Variants in NIPBL observed in about 807,000 individuals in gnomAD.
NIPBL encodes the protein nipped-B-like protein.
A neutral mutation model predicts 321.8 loss-of-function variants in NIPBL; 19 were observed. That is an observed-to-expected ratio of 0.06 (90% CI 0.04 to 0.09). NIPBL has a LOEUF of 0.09. Among genes scored for constraint, NIPBL ranks in the 10% least tolerant of loss-of-function variants. NIPBL has a pLI of 1.00. For missense variants in NIPBL, 2,210 were observed against 3,327.0 expected (o/e 0.66, Z 8.26); for synonymous variants, 1,106 against 1,114.1 (o/e 0.99, Z 0.14).
In NIPBL at chr5:37,000,686, A is replaced by G. The variant is rs1746688412; in HGVS notation, c.3502+116A>G. ...TAATAACTAATTTTCAATTAAGACA[A>G]AAATACTTAGTTTCTATGTGCAGTG... is the stretch of plus-strand genomic sequence containing the variant. On this transcript the variant is annotated intron_variant, in intron 12 of 46. Transcript: ENST00000282516. The G allele has an allele frequency of 3.0e-6, 4 of 1,317,244 alleles. No homozygotes were observed. The East Asian group carries it at 7.5e-5, about 25-fold the overall frequency. 81.6% of individuals were successfully genotyped at this position (1,317,244 alleles called of 1,614,324 possible).
chr5:37,009,254 CA>C (rs1561150556), intron 20 of NIPBL, among the ~76,000 whole-genome samples: 1 of 151,280 alleles, frequency 6.6e-6, no homozygotes, highest in African/African-American at 2.4e-5. Context: ...AAATAAAAAA[CA>C]GAAAGATTAA....
intron 33 of NIPBL, among the ~76,000 whole-genome samples, chr5:37,036,927 A>G (rs563342752): frequency 9.9e-5 from 15 of 152,118 alleles, no homozygotes; most frequent in Admixed American, 3.9e-4. Context: ...AATATTTATT[A>G]TTTATAATTG....
At chr5:36,987,034 A>T (rs1403363610) in intron 10 of NIPBL, among the ~76,000 whole-genome samples, 1 of 152,144 alleles carries the variant, frequency 6.6e-6, no homozygotes, top group African/African-American at 2.4e-5. Context: ...GTACACAAGT[A>T]TTTAAAATAA....
At position 37,056,678 on chromosome 5, in the gene NIPBL, T is replaced by C. The variant is rs543780055; in HGVS notation, c.7264-508T>C. 6.6e-5 allele frequency among the ~76,000 whole-genome samples: 10 copies of C among 152,232 alleles called. No individual in the cohort carries two copies. In the East Asian group the frequency reaches 1.9e-3, roughly 29 times the overall value. ...TATTAGTACTATAATTACTAGTTAT[T>C]TTGAGGGCAGAATAGTAACTGTGTG... On this transcript the variant is annotated intron_variant, in intron 42 of 46. Transcript: ENST00000282516.
chr5:37,049,322 C>A (rs764202456), intron 40 of NIPBL, 21 bp downstream of exon 40: 2 of 1,611,326 alleles, frequency 1.2e-6, no homozygotes, highest in South Asian at 2.2e-5. Context: ...TTTATGGCAG[C>A]AGCACTTACT....
intron 1 of NIPBL, among the ~76,000 whole-genome samples, chr5:36,910,074 A>T (rs2149544510): frequency 7.5e-6 from 1 of 133,964 alleles, no homozygotes; most frequent in African/African-American, 2.9e-5. Context: ...GACTCAGTCT[A>T]AAAAAAAAAA....
chr5:37,064,205 G>A, intron 46 of NIPBL: 1 of 1,400,556 alleles, frequency 7.1e-7, no homozygotes, highest in Non-Finnish European at 9.3e-7. Flanking sequence ...AGCATAAAGG[G>A]TTAATTTTTC....
intron 1 of NIPBL, among the ~76,000 whole-genome samples, chr5:36,949,610 G>A (rs1009629864): frequency 6.6e-6 from 1 of 151,824 alleles, no homozygotes; most frequent in African/African-American, 2.4e-5. Context: ...ACATGTGTAT[G>A]TTAACATGTA....
intron 17 of NIPBL, among the ~76,000 whole-genome samples, chr5:37,007,007 A>G (rs1252783555): frequency 6.6e-6 from 1 of 151,940 alleles, no homozygotes; most frequent in Non-Finnish European, 1.5e-5. Flanking sequence ...TTGACGATCT[A>G]TTGTATAACT....
intron 1 of NIPBL, among the ~76,000 whole-genome samples, chr5:36,896,362 G>T (rs1285561161): frequency 6.6e-6 from 1 of 152,166 alleles, no homozygotes; most frequent in Non-Finnish European, 1.5e-5. Context: ...TGAAATGTGT[G>T]AGTCCTCCAA....
At chr5:36,949,820 ACTT>A (rs747131215) in intron 1 of NIPBL, among the ~76,000 whole-genome samples, 2 of 151,846 alleles carry the variant, frequency 1.3e-5, no homozygotes, top group Non-Finnish European at 2.9e-5. Context: ...TTTTATTTGC[ACTT>A]CTTTTGTTTG....
intron 1 of NIPBL, among the ~76,000 whole-genome samples, chr5:36,925,084 G>C (rs559863338): frequency 2.2e-4 from 34 of 152,258 alleles, no homozygotes; most frequent in African/African-American, 7.9e-4. Context: ...ATATCTGTCT[G>C]ACAGGAATCT....
In NIPBL at chr5:37,020,566, T is replaced by C. The variant is rs780337526; in HGVS notation, c.5118T>C (p.His1706=). The C allele has an allele frequency of 2.5e-6, 4 of 1,614,022 alleles. No homozygotes were observed. The highest frequency in any genetic ancestry group is 3.4e-6 in the Non-Finnish European group (4 of 1,179,960). Residue 1706 remains histidine, a synonymous_variant, in exon 26 of 47, where the codon CAT becomes CAC. Transcript: ENST00000282516. The part of the protein sequence containing the change: ...KDEESSEGTH[H]AKEIETTGQI... Reference sequence around the variant, plus strand: ...AAGAATCATCTGAAGGAACACATCATGCAAAGGAAATTGAGACAACTGGCC... The same window carrying C: ...AAGAATCATCTGAAGGAACACATCACGCAAAGGAAATTGAGACAACTGGCC...
chr5:36,996,135 G>A lies in NIPBL; in HGVS notation c.3304+331G>A, dbSNP rs898169382. Among the ~76,000 whole-genome samples, 1 of 152,148 alleles carries A rather than the reference G, an allele frequency of 6.6e-6. No individual in the cohort carries two copies. Among genetic ancestry groups the A allele is most frequent in the African/African-American group, 2.4e-5 (1 of 41,442 alleles). On this transcript the variant is annotated intron_variant, in intron 11 of 46. Transcript: ENST00000282516. The surrounding 1 kb of genome is among the most constrained non-coding windows in gnomAD (Gnocchi z 5.0). ...AAGATATGGCCCCTGTCTTCAAAGAGCCTTCAGTCTAATGGGGGAAATATG... is the reference window on the plus strand; with the variant it reads ...AAGATATGGCCCCTGTCTTCAAAGAACCTTCAGTCTAATGGGGGAAATATG...
intron 1 of NIPBL, among the ~76,000 whole-genome samples, chr5:36,894,482 T>C (rs1746582089): frequency 1.3e-5 from 2 of 152,182 alleles, no homozygotes; most frequent in Non-Finnish European, 1.5e-5. Flanking sequence ...TATATACATA[T>C]AATATATTCG....
chr5:37,002,824 A>G, intron 15 of NIPBL, 59 bp downstream of exon 15: 5 of 1,033,136 alleles, frequency 4.8e-6, no homozygotes, highest in Non-Finnish European at 7.4e-6. Flanking sequence ...AAATTAATTT[A>G]AGGTTTTCAG....
chr5:36,950,710 CAT>C (rs1475693197), intron 1 of NIPBL, among the ~76,000 whole-genome samples: 1 of 152,096 alleles, frequency 6.6e-6, no homozygotes, highest in African/African-American at 2.4e-5. Context: ...ATTCTAGACA[CAT>C]GTCAGCTTCA....
At chr5:36,999,524 C>T (rs1201690771) in intron 11 of NIPBL, among the ~76,000 whole-genome samples, 2 of 152,152 alleles carry the variant, frequency 1.3e-5, no homozygotes, top group African/African-American at 4.8e-5. Flanking sequence ...ATGATGCTTT[C>T]TCAGGGCTTG....
At chr5:36,898,481 G>A (rs1746946367) in intron 1 of NIPBL, among the ~76,000 whole-genome samples, 1 of 150,758 alleles carries the variant, frequency 6.6e-6, no homozygotes, top group Non-Finnish European at 1.5e-5. Context: ...ACAAGAGGAA[G>A]AAGAAATCAA....
Sources: allele counts gnomAD v4.1 joint callset (sites outside exome capture counted in the v4.1 genomes callset), GRCh38; gene constraint gnomAD v4.1.1; non-coding constraint Gnocchi (gnomAD v3.1); transcripts MANE v1.5; gene names NCBI Gene and HGNC (gene_info 2026-07-23, HGNC 2026-07-21).